Variants in GRAMD1A observed in about 807,000 individuals in gnomAD.
GRAMD1A encodes protein Aster-A.
In GRAMD1A, 50 loss-of-function variants were observed where a neutral mutation model predicts 92.0. The ratio of observed to expected loss-of-function variants is 0.54; its 90% CI spans 0.43 to 0.69. The LOEUF is 0.69. Ranked by LOEUF, GRAMD1A falls within the 30% of genes least tolerant of loss-of-function variation. GRAMD1A has a pLI of 0.00. For missense variants in GRAMD1A, 819 were observed against 978.9 expected (o/e 0.84, Z 2.18); for synonymous variants, 405 against 403.6 (o/e 1.00, Z -0.04).
chr19:35,011,073 G>A (rs1192927837), intron 6 of GRAMD1A, among the ~76,000 whole-genome samples: 1 of 135,362 alleles, frequency 7.4e-6, no homozygotes, highest in Non-Finnish European at 1.5e-5. Context: ...CTGCACTCCA[G>A]CCTGGGTGAC....
At chr19:35,019,113 C>A in intron 11 of GRAMD1A, 78 bp from the exon 12 acceptor site, 1 of 942,642 alleles carries the variant, frequency 1.1e-6, no homozygotes, top group Non-Finnish European at 1.7e-6. Flanking sequence ...GAGAGACCTC[C>A]CAGAAGGCTG....
At chr19:35,023,815 G>A (rs767358632) in intron 19 of GRAMD1A, 3 of 369,744 alleles carry the variant, frequency 8.1e-6, no homozygotes, top group African/African-American at 6.2e-5. Context: ...CTCAATGGCA[G>A]TAAGAGTCAG....
intron 11 of GRAMD1A, among the ~76,000 whole-genome samples, chr19:35,016,733 T>G (rs1376760609): frequency 1.3e-5 from 2 of 151,812 alleles, no homozygotes; most frequent in Non-Finnish European, 2.9e-5. Flanking sequence ...AAACCCCATC[T>G]CCACTAAAAA....
chr19:34,997,736 T>C (rs935494218), upstream of GRAMD1A, among the ~76,000 whole-genome samples: 3 of 152,102 alleles, frequency 2.0e-5, no homozygotes, highest in African/African-American at 7.2e-5. Flanking sequence ...TAGGTGATAG[T>C]GTTGGTGGAT....
Position 35,014,301 on chromosome 19 carries a change from C to G in GRAMD1A, c.983C>G (p.Pro328Arg). 1 of 1,614,112 alleles carries G rather than the reference C, an allele frequency of 6.2e-7. No individual in the cohort carries two copies. Among genetic ancestry groups the G allele is most frequent in the South Asian group, 1.1e-5 (1 of 91,082 alleles). ...ACAGAGCCCACCCAGCCTGACGGGC[C>G]CACCACCCTGGGCCCCTTGGATCTG... ...PSTEPTQPDG[P>R]TTLGPLDLLP... Residue 328 changes from proline (P) to arginine (R), a missense_variant, in exon 10 of 20, where the codon CCC (proline) becomes CGC (arginine). Pro to Arg is a moderately radical substitution (Grantham distance 103). This residue lies in a region of GRAMD1A where 577 missense variants were observed against 674.6 expected (regional missense o/e 0.86). Coordinates refer to ENST00000317991, the MANE Select transcript of GRAMD1A (RefSeq NM_020895.5).
rs765772469 is a variant in GRAMD1A, at chr19:35,021,631, G to A, written c.1579+26G>A. The A allele has an allele frequency of 1.5e-5, 24 of 1,612,866 alleles. No homozygotes were observed. Among genetic ancestry groups the A allele is most frequent in the African/African-American group, 4.0e-5 (3 of 74,934 alleles). ...GTAGGGACAGAAGGCCGGCTGGGGCGTGGGTTGGGGGATGGCCTGGCCAGG... is the reference window on the plus strand; with the variant it reads ...GTAGGGACAGAAGGCCGGCTGGGGCATGGGTTGGGGGATGGCCTGGCCAGG... On this transcript the variant is annotated intron_variant, in intron 14 of 19. Transcript: ENST00000317991. This position sits in a 1 kb window ranked among gnomAD's most constrained non-coding sequence, Gnocchi z 5.3.
intron 3 of GRAMD1A, 193 bp from the exon 4 acceptor site, chr19:35,009,695 T>G (rs1296255996): frequency 1.6e-6 from 1 of 633,918 alleles, no homozygotes. Context: ...TCAGTGATGC[T>G]GGTGGGTGCT....
In GRAMD1A at chr19:35,023,224, C is replaced by T. The variant is rs537734167; in HGVS notation, c.1854-12C>T. 30 of 1,602,748 alleles carry T rather than the reference C, an allele frequency of 1.9e-5. 1 individual carries two copies. The South Asian group carries it at 2.6e-4, about 14-fold the overall frequency. On this transcript the variant is annotated splice_polypyrimidine_tract_variant and intron_variant, in intron 17 of 19. Transcript: ENST00000317991. ...GACCCCAGGAATCCTGACCTCTGAC[C>T]CCTGTCCCCAGCCTTATCATCCTCA...
In GRAMD1A at chr19:35,019,498, C is replaced by T. The variant is rs1297861581; in HGVS notation, c.1440C>T (p.Cys480=). The T allele has an allele frequency of 2.5e-6, 4 of 1,613,920 alleles. No homozygotes were observed. The highest frequency in any genetic ancestry group is 3.4e-6 in the Non-Finnish European group (4 of 1,179,932). ...QDYFYTAHRY[C]ILGLARNKAR... ...ACTTCTACACTGCCCACCGCTACTG[C>T]ATCCTGGGTCTGGCCCGGAACAAGG... The change falls in exon 13 of 20, where the codon TGC becomes TGT. Residue 480 remains cysteine (C), a synonymous_variant. Coordinates refer to ENST00000317991, the MANE Select transcript of GRAMD1A (RefSeq NM_020895.5).
rs1267391262 is a variant in GRAMD1A, at chr19:35,013,149, T to G, written c.607-107T>G. 7 of 637,030 alleles carry G rather than the reference T, an allele frequency of 1.1e-5. No homozygotes were observed. The highest frequency in any genetic ancestry group is 2.0e-5 in the Non-Finnish European group (7 of 355,570). The allele number at this position is 637,030 out of a possible 1,614,324, so 39.5% of individuals were successfully genotyped here. A position where few individuals can be genotyped will look rare whatever the true frequency, so the allele number is the denominator to read the frequency against. ...GGTGCGGGAGATCGTGGCTGCCTCC[T>G]TGTGGAAGCCAGGGGAACTGCGGAG... On this transcript the variant is annotated intron_variant, in intron 7 of 19. Coordinates refer to ENST00000317991, the MANE Select transcript of GRAMD1A (RefSeq NM_020895.5). The surrounding 1 kb of genome is among the most constrained non-coding windows in gnomAD (Gnocchi z 4.9).
upstream of GRAMD1A, among the ~76,000 whole-genome samples, chr19:34,999,652 T>TCAAA (rs1440045477): frequency 3.9e-5 from 6 of 152,246 alleles, no homozygotes; most frequent in Non-Finnish European, 8.8e-5. Context: ...TTTTGCCCGT[T>TCAAA]CCTGCGCTGT....
At position 35,000,514 on chromosome 19, in the gene GRAMD1A, G is replaced by T; in HGVS notation, c.8+28G>T. 7.9e-7 allele frequency: 1 copy of T among 1,261,496 alleles called. No homozygotes were observed. The allele number at this position is 1,261,496 out of a possible 1,614,324, so 78.1% of individuals were successfully genotyped here. On this transcript the variant is annotated intron_variant, in intron 1 of 19. Transcript: ENST00000317991. This position sits in a 1 kb window ranked among gnomAD's most constrained non-coding sequence, Gnocchi z 4.9. ...AAGGACCGGGCGACTAGAGCTCAGG[G>T]ACCGGGCGCGCGGGGGAGGCCACCG...
rs767703691 is a variant in GRAMD1A, at chr19:35,010,016, G to A, written c.325+44G>A. ...GTCCCAGCTCCTAGCCCAGCCCTGTGACTCTCCGCCAGCCCGCGGGCGCCG... is the reference window on the plus strand; with the variant it reads ...GTCCCAGCTCCTAGCCCAGCCCTGTAACTCTCCGCCAGCCCGCGGGCGCCG... On this transcript the variant is annotated intron_variant, in intron 4 of 19. Transcript: ENST00000317991. 3.9e-6 allele frequency: 6 copies of A among 1,534,900 alleles called. No individual in the cohort carries two copies. The African/African-American group carries it at 4.1e-5, about 10-fold the overall frequency.
intron 1 of GRAMD1A, among the ~76,000 whole-genome samples, chr19:35,005,277 G>C (rs1180740288): frequency 9.4e-6 from 1 of 106,340 alleles, no homozygotes; most frequent in Non-Finnish European, 1.7e-5. Flanking sequence ...AGGGAGACTT[G>C]CTTTGCAGAA....
At chr19:35,019,155 G>A in intron 11 of GRAMD1A, 36 bp from the exon 12 acceptor site, 1 of 1,389,176 alleles carries the variant, frequency 7.2e-7, no homozygotes, top group Non-Finnish European at 1.0e-6. Flanking sequence ...AAAGGACTGG[G>A]GTGTGGCCTC....
intron 11 of GRAMD1A, among the ~76,000 whole-genome samples, chr19:35,017,967 T>C (rs2015763036): frequency 6.6e-6 from 1 of 151,542 alleles, no homozygotes; most frequent in Non-Finnish European, 1.5e-5. Flanking sequence ...ATTAAATTTG[T>C]GATCATTAAC....
intron 1 of GRAMD1A, among the ~76,000 whole-genome samples, chr19:35,007,742 G>A (rs2014930747): frequency 6.6e-6 from 1 of 152,024 alleles, no homozygotes; most frequent in African/African-American, 2.4e-5. Flanking sequence ...TAACAGTGGT[G>A]TGTACCTGCA....
chr19:35,017,950 A>C (rs932445505), intron 11 of GRAMD1A, among the ~76,000 whole-genome samples: 6 of 152,088 alleles, frequency 3.9e-5, no homozygotes, highest in African/African-American at 1.4e-4. Context: ...GGCCTGACAG[A>C]GTGGACATTA....
intron 1 of GRAMD1A, among the ~76,000 whole-genome samples, chr19:35,006,633 G>T (rs896273270): frequency 2.0e-5 from 3 of 152,218 alleles, no homozygotes; most frequent in African/African-American, 7.2e-5. Flanking sequence ...TTCCCCAAGG[G>T]CAGGGGCCAT....
Sources: gnomAD v4.1 joint callset for allele counts (sites outside exome capture counted in the v4.1 genomes callset) on GRCh38, gnomAD v4.1.1 for gene constraint, gnomAD v4.1.1 regional missense constraint, Gnocchi (gnomAD v3.1) non-coding constraint, MANE v1.5 for transcripts, NCBI Gene and HGNC (gene_info 2026-07-23, HGNC 2026-07-21) for gene names.